The following EHMT1 variants were observed in gnomAD, a reference collection of about 807,000 sequenced individuals.
EHMT1 encodes euchromatic histone lysine methyltransferase 1, also known as histone-lysine N-methyltransferase EHMT1.
EHMT1 carries 15 observed loss-of-function variants against 147.2 expected under a neutral mutation model. The ratio of observed to expected loss-of-function variants is 0.10; its 90% CI spans 0.07 to 0.16. The LOEUF (loss-of-function observed/expected upper bound fraction) is 0.16, where lower values mean the gene tolerates loss of function less well. Among genes scored for constraint, EHMT1 ranks in the 10% least tolerant of loss-of-function variants. The pLI, the probability that EHMT1 is intolerant of heterozygous loss-of-function variation, is 1.00. For missense variants in EHMT1, 1,587 were observed against 1,772.4 expected, an observed-to-expected ratio of 0.90 and a Z score of 1.88; for synonymous variants, 795 against 709.6, an observed-to-expected ratio of 1.12 and a Z score of -1.91.
chr9:137,658,349 C>T (rs1213869127), intron 1 of EHMT1, among the ~76,000 whole-genome samples: 9 of 152,102 alleles, frequency 5.9e-5, no homozygotes, highest in Non-Finnish European at 1.3e-4. Flanking sequence ...CGGGGTTTCA[C>T]CATAGTGGCC....
intron 10 of EHMT1, among the ~76,000 whole-genome samples, chr9:137,765,946 C>T (rs949949215): frequency 2.0e-5 from 3 of 152,152 alleles, no homozygotes; most frequent in African/African-American, 7.2e-5. Context: ...TAGGTGGCAA[C>T]TCAGCAGGTT....
At chr9:137,633,149 T>G (rs1289469271) in intron 1 of EHMT1, among the ~76,000 whole-genome samples, 1 of 152,062 alleles carries the variant, frequency 6.6e-6, no homozygotes, top group Non-Finnish European at 1.5e-5. Flanking sequence ...GCCGTGCCAT[T>G]CACCCGGACA....
chr9:137,625,492 C>G (rs921077516), intron 1 of EHMT1, among the ~76,000 whole-genome samples: 4 of 152,002 alleles, frequency 2.6e-5, no homozygotes, highest in African/African-American at 9.7e-5. Flanking sequence ...CACGTGCTAC[C>G]ATGCCTGGCT....
intron 1 of EHMT1, chr9:137,666,064 CT>C (rs1939609998): frequency 6.6e-6 from 1 of 152,208 alleles, no homozygotes; most frequent in Non-Finnish European, 1.5e-5. Context: ...TACTTTTTTT[CT>C]TTTGCTTAAT....
chr9:137,742,123 A>G (rs537364401), intron 4 of EHMT1, among the ~76,000 whole-genome samples: 3 of 152,164 alleles, frequency 2.0e-5, no homozygotes, highest in African/African-American at 7.2e-5. Flanking sequence ...GCCTGGTGTG[A>G]TCGTTTCCCA....
intron 1 of EHMT1, among the ~76,000 whole-genome samples, chr9:137,681,106 G>T (rs1459695410): frequency 6.6e-6 from 1 of 152,230 alleles, no homozygotes; most frequent in Non-Finnish European, 1.5e-5. Flanking sequence ...GCCACTCTCA[G>T]CTGCTCCTTA....
rs1564748966 is a variant in EHMT1 at position 137,781,254 on chromosome 9, G to GTGACGACGCTGGGACGTGTGA, written c.2276-1017_2276-1016insATGACGACGCTGGGACGTGTG. On this transcript the variant is annotated intron_variant, in intron 14 of 26. Coordinates refer to ENST00000460843, the MANE Select transcript of EHMT1 (RefSeq NM_024757.5). ...TGTGGTGACGACGCTGGGACGTGTG[G>GTGACGACGCTGGGACGTGTGA]TGACGACGCTGGGACGTGTGGTGAT... is the stretch of plus-strand genomic sequence containing the variant. 4.9e-3 allele frequency among the ~76,000 whole-genome samples: 239 copies of GTGACGACGCTGGGACGTGTGA among 49,138 alleles called. 41 individuals carry two copies. Among genetic ancestry groups the GTGACGACGCTGGGACGTGTGA allele is most frequent in the Non-Finnish European group, 6.3e-3 (185 of 29,290 alleles). The allele number at this position is 49,138 out of a possible 152,430, so 32.2% of individuals were successfully genotyped here. A position where few individuals can be genotyped will look rare whatever the true frequency, so the allele number is the denominator to read the frequency against.
At chr9:137,673,770 T>G (rs1396457996) in intron 1 of EHMT1, among the ~76,000 whole-genome samples, 1 of 152,218 alleles carries the variant, frequency 6.6e-6, no homozygotes, top group African/African-American at 2.4e-5. Context: ...ATGGTGGTAA[T>G]TGTGTGAGAG....
chr9:137,700,757 C>T (rs911083227), intron 1 of EHMT1, among the ~76,000 whole-genome samples: 2 of 152,126 alleles, frequency 1.3e-5, no homozygotes, highest in African/African-American at 4.8e-5. Context: ...CTGGATAGGT[C>T]AGTGAAGGAA....
chr9:137,643,287 A>G (rs1304322090), intron 1 of EHMT1, among the ~76,000 whole-genome samples: 1 of 130,522 alleles, frequency 7.7e-6, no homozygotes, highest in Non-Finnish European at 1.6e-5. Flanking sequence ...ACTTTTGTTT[A>G]TCTTGGAATG....
intron 1 of EHMT1, among the ~76,000 whole-genome samples, chr9:137,679,044 C>G (rs1941679704): frequency 6.6e-6 from 1 of 152,170 alleles, no homozygotes; most frequent in African/African-American, 2.4e-5. Context: ...ATCTCCGCCT[C>G]CCGGGTTCAA....
intron 1 of EHMT1, among the ~76,000 whole-genome samples, chr9:137,686,607 C>G (rs775460825): frequency 1.3e-5 from 2 of 151,998 alleles, no homozygotes; most frequent in Non-Finnish European, 2.9e-5. Flanking sequence ...CCATGCTGAT[C>G]TGGAACTCCT....
At chr9:137,666,920 C>G (rs2134168166) in intron 1 of EHMT1, 1 of 152,254 alleles carries the variant, frequency 6.6e-6, no homozygotes, top group South Asian at 2.1e-4. Context: ...TTGTAAATAA[C>G]AGGATTAGAG....
intron 2 of EHMT1, among the ~76,000 whole-genome samples, chr9:137,711,978 G>A (rs1249241079): frequency 1.3e-5 from 2 of 152,180 alleles, no homozygotes; most frequent in East Asian, 1.9e-4. Flanking sequence ...GCCTCGCTGT[G>A]CCTGTGGGTT....
chr9:137,676,206 C>T (rs1941291976), intron 1 of EHMT1: 1 of 152,020 alleles, frequency 6.6e-6, no homozygotes, highest in Non-Finnish European at 1.5e-5. Flanking sequence ...AGGCGTGAGC[C>T]ACCGCGCCCG....
intron 1 of EHMT1, chr9:137,641,399 A>G (rs10867036): frequency 0.024 from 12,524 of 528,426 alleles, 261 homozygotes; most frequent in Admixed American, 0.066. Flanking sequence ...AACCTGATTT[A>G]ATATCTTCAA....
chr9:137,749,425 C>G (rs1948802240), intron 6 of EHMT1, among the ~76,000 whole-genome samples: 1 of 152,116 alleles, frequency 6.6e-6, no homozygotes, highest in Admixed American at 6.5e-5. Context: ...GCATGCGCCA[C>G]CATGTCCAGC....
rs116749466 is a variant in EHMT1 at position 137,800,497 on chromosome 9, C to T, written c.2608-383C>T. On this transcript the variant is annotated intron_variant, in intron 17 of 26. Coordinates refer to ENST00000460843, the MANE Select transcript of EHMT1 (RefSeq NM_024757.5). The stretch of plus-strand genomic sequence containing the variant: ...TTCCTGCCAGCCAAGGCTGCTGGTG[C>T]GCTCCGGGTCTGGCCTGGGCTTACG... 3.6e-4 allele frequency: 98 copies of T among 272,672 alleles called. 2 individuals are homozygous for T. The highest frequency in any genetic ancestry group is 7.3e-4 in the African/African-American group (33 of 45,434). The allele number at this position is 272,672 out of a possible 1,614,324, so 16.9% of individuals were successfully genotyped here.
rs560640518 is a variant in EHMT1, at chr9:137,829,793, G to A, written c.3541-4556G>A. Among the ~76,000 whole-genome samples the A allele has an allele frequency of 1.1e-4, 16 of 152,342 alleles. No homozygotes were observed. In the South Asian group the frequency reaches 3.1e-3, roughly 30 times the overall value. Reference sequence around the variant, plus strand: ...TTATCCCGTGTTTGCGGCCAGCTGGGAGGAAGGGCTGAGGTTTGGCGACAC... The same window carrying A: ...TTATCCCGTGTTTGCGGCCAGCTGGAAGGAAGGGCTGAGGTTTGGCGACAC... On this transcript the variant is annotated intron_variant, in intron 25 of 26. Coordinates refer to ENST00000460843, the MANE Select transcript of EHMT1 (RefSeq NM_024757.5).
Sources: allele counts gnomAD v4.1 joint callset (sites outside exome capture counted in the v4.1 genomes callset), GRCh38; gene constraint gnomAD v4.1.1; transcripts MANE v1.5; gene names NCBI Gene and HGNC (gene_info 2026-07-23, HGNC 2026-07-21).